PCDHA2: variants seen among roughly 807,000 people sequenced by gnomAD.
PCDHA2 encodes protocadherin alpha 2.
PCDHA2 carries 58 observed loss-of-function variants against 66.0 expected under a neutral mutation model. The ratio of observed to expected loss-of-function variants is 0.88; its 90% CI spans 0.71 to 1.09. The LOEUF (loss-of-function observed/expected upper bound fraction) is 1.09. PCDHA2 is among the 50% of genes least tolerant of loss of function. The pLI, the probability that PCDHA2 is intolerant of heterozygous loss-of-function variation, is 0.00. For synonymous variants in PCDHA2, 634 were observed against 554.0 expected (o/e 1.14, Z -2.03); for missense variants, 1,267 against 1,242.3 (o/e 1.02, Z -0.30).
intron 1 of PCDHA2, among the ~76,000 whole-genome samples, chr5:140,818,704 G>A (rs2150102115): frequency 9.9e-5 from 15 of 152,278 alleles, no homozygotes; most frequent in African/African-American, 2.6e-4. Flanking sequence ...TAGATGTGGT[G>A]GTGCACACCT....
At chr5:140,909,772 A>T (rs2074681843) in intron 1 of PCDHA2, among the ~76,000 whole-genome samples, 1 of 152,166 alleles carries the variant, frequency 6.6e-6, no homozygotes, top group Non-Finnish European at 1.5e-5. Context: ...CCAGGGACCC[A>T]CTGGACCCAC....
At chr5:140,944,028 A>T (rs1341498532) in intron 1 of PCDHA2, among the ~76,000 whole-genome samples, 1 of 152,222 alleles carries the variant, frequency 6.6e-6, no homozygotes, top group African/African-American at 2.4e-5. Context: ...TATCTTCAAA[A>T]TATGGAAAAC....
chr5:140,849,923 G>C, intron 1 of PCDHA2: 3 of 1,598,322 alleles, frequency 1.9e-6, no homozygotes, highest in Non-Finnish European at 2.6e-6. Context: ...ACATCTTCAC[G>C]GTGTCTGCGC....
At chr5:140,973,946 G>A (rs566831681) in intron 1 of PCDHA2, among the ~76,000 whole-genome samples, 45 of 152,304 alleles carry the variant, frequency 3.0e-4, no homozygotes, top group Non-Finnish European at 1.5e-4. Flanking sequence ...GAATATGATG[G>A]CATTTTACAG....
intron 1 of PCDHA2, among the ~76,000 whole-genome samples, chr5:140,897,980 A>C (rs1313292712): frequency 6.6e-6 from 1 of 152,206 alleles, no homozygotes. Context: ...GGCTGCATAA[A>C]TGTCTTCTTT....
At chr5:140,865,351 A>G (rs1452149063) in intron 1 of PCDHA2, 4 of 152,204 alleles carry the variant, frequency 2.6e-5, no homozygotes, top group African/African-American at 7.2e-5. Context: ...GTATATTTAC[A>G]TATTGCAGGA....
chr5:141,011,247 G>A lies in PCDHA2; in HGVS notation c.*1310G>A, dbSNP rs1554263390. On this transcript the variant is annotated 3_prime_UTR_variant, in exon 4 of 4. Transcript: ENST00000526136. The stretch of plus-strand genomic sequence containing the variant: ...TCTACTAATTCTGTGACTTGTCTTG[G>A]TGTGCTAGCCTACACCTTCTCTTTG... The A allele has an allele frequency of 2.0e-5, 3 of 153,772 alleles. No individual in the cohort carries two copies. The highest frequency in any genetic ancestry group is 7.2e-5 in the African/African-American group (3 of 41,538). The allele number at this position is 153,772 out of a possible 1,614,324, so 9.5% of individuals were successfully genotyped here.
At chr5:140,803,097 A>C in intron 1 of PCDHA2, 1 of 1,613,814 alleles carries the variant, frequency 6.2e-7, no homozygotes, top group Non-Finnish European at 8.5e-7. Flanking sequence ...GATCAGCACG[A>C]CCCGTGCCCT....
chr5:140,809,209 G>A lies in PCDHA2; in HGVS notation c.2388+11857G>A, dbSNP rs1764395414. 8 of 1,614,072 alleles carry A rather than the reference G, an allele frequency of 5.0e-6. No individual in the cohort carries two copies. The East Asian group carries it at 1.8e-4, about 36-fold the overall frequency. On this transcript the variant is annotated intron_variant, in intron 1 of 3. Coordinates refer to ENST00000526136, the MANE Select transcript of PCDHA2 (RefSeq NM_018905.3). The stretch of plus-strand genomic sequence containing the variant: ...TGGTGTCACTTGTGGAGAGTGGACA[G>A]GCGCCAAAGGCCTCCTCACGGGCGT...
chr5:140,924,437 T>A (rs2081836231), intron 1 of PCDHA2, among the ~76,000 whole-genome samples: 1 of 152,206 alleles, frequency 6.6e-6, no homozygotes, highest in Admixed American at 6.5e-5. Flanking sequence ...CTAGAAGAGA[T>A]AACGAATGGG....
chr5:140,870,709 G>T (rs782475792), intron 1 of PCDHA2: 1 of 1,613,052 alleles, frequency 6.2e-7, no homozygotes, highest in Non-Finnish European at 8.5e-7. Context: ...CCAGGTGAGC[G>T]CGCGCGATGC....
At chr5:140,802,730 C>T (rs781795094) in intron 1 of PCDHA2, 7 of 1,612,474 alleles carry the variant, frequency 4.3e-6, no homozygotes, top group Middle Eastern at 1.9e-4. Context: ...TGTCGGTACA[C>T]GCGGAGAGCG....
Position 141,006,215 on chromosome 5 carries a change from T to A in PCDHA2, c.2537-3412T>A, listed in dbSNP as rs530559800. Among the ~76,000 whole-genome samples, 194 of 151,754 alleles carry A rather than the reference T, an allele frequency of 1.3e-3. 2 individuals carry two copies. The highest frequency in any genetic ancestry group is 4.2e-3 in the African/African-American group (174 of 41,396). ...ATGTATGTTATGCCTCATTTTTTTT[T>A]AAATTTTTTATTTTTAGATGGAGTC... On this transcript the variant is annotated intron_variant, in intron 3 of 3. Coordinates refer to ENST00000526136, the MANE Select transcript of PCDHA2 (RefSeq NM_018905.3).
chr5:141,006,383 T>C (rs1431976303), intron 3 of PCDHA2, among the ~76,000 whole-genome samples: 1 of 151,992 alleles, frequency 6.6e-6, no homozygotes, highest in African/African-American at 2.4e-5. Context: ...GGCTAAGTTT[T>C]TTCTATTTTT....
chr5:140,850,339 C>T (rs2150480105), intron 1 of PCDHA2: 3 of 1,597,742 alleles, frequency 1.9e-6, no homozygotes, highest in East Asian at 2.2e-5. Flanking sequence ...CAGCCAGAAA[C>T]GGCCAGCGCG....
rs1342030965 is a variant in PCDHA2 at position 140,955,208 on chromosome 5, C to G, written c.2389-23741C>G. ...GGTGTATATGAAGTCAATCAAGTAG[C>G]ATGATGCCTCCAGCTTTGTTCTTTT... On this transcript the variant is annotated intron_variant, in intron 1 of 3. Transcript: ENST00000526136. 2.6e-5 allele frequency among the ~76,000 whole-genome samples: 4 copies of G among 152,140 alleles called. No individual in the cohort carries two copies. In the East Asian group the frequency reaches 7.7e-4, roughly 29 times the overall value.
intron 1 of PCDHA2, among the ~76,000 whole-genome samples, chr5:140,909,031 A>G (rs782567758): frequency 7.9e-5 from 12 of 152,106 alleles, no homozygotes; most frequent in Non-Finnish European, 1.6e-4. Flanking sequence ...TTAGTCATTT[A>G]TTTTCCATAC....
intron 1 of PCDHA2, among the ~76,000 whole-genome samples, chr5:140,897,966 T>C (rs1339473229): frequency 5.3e-5 from 8 of 152,276 alleles, no homozygotes; most frequent in African/African-American, 1.9e-4. Flanking sequence ...TTCATGTGTC[T>C]TTTGGCTGCA....
intron 1 of PCDHA2, chr5:140,929,724 TA>T (rs2086341478): frequency 4.6e-6 from 1 of 218,158 alleles, no homozygotes; most frequent in Admixed American, 5.9e-5. Flanking sequence ...GTGAAACATT[TA>T]CTTAAACTAT....
Sources: allele counts gnomAD v4.1 joint callset (sites outside exome capture counted in the v4.1 genomes callset), GRCh38; gene constraint gnomAD v4.1.1; transcripts MANE v1.5; gene names NCBI Gene and HGNC (gene_info 2026-07-23, HGNC 2026-07-21).